Variants in CCDC93 observed in about 807,000 individuals in gnomAD.
CCDC93 encodes the protein coiled-coil domain-containing protein 93.
In CCDC93, 61 loss-of-function variants were observed where a neutral mutation model predicts 108.2. That is an observed-to-expected ratio of 0.56 (90% CI 0.46 to 0.70). CCDC93 has a LOEUF of 0.70. Ranked by LOEUF, CCDC93 falls within the 30% of genes least tolerant of loss-of-function variation. CCDC93 has a pLI of 0.00. For missense variants in CCDC93, 685 were observed against 764.2 expected (o/e 0.90, Z 1.22); for synonymous variants, 276 against 260.4 (o/e 1.06, Z -0.58).
chr2:117,970,269 GACAA>G (rs1281390465), intron 11 of CCDC93, among the ~76,000 whole-genome samples: 2 of 152,196 alleles, frequency 1.3e-5, no homozygotes, highest in Non-Finnish European at 2.9e-5. Context: ...GAAATTATCT[GACAA>G]ACAGTAGTAG....
intron 6 of CCDC93, among the ~76,000 whole-genome samples, chr2:117,990,150 GA>G (rs1680434036): frequency 6.6e-6 from 1 of 152,226 alleles, no homozygotes; most frequent in South Asian, 2.1e-4. Flanking sequence ...CACTTCACAG[GA>G]CAGACACTTC....
chr2:117,986,363 A>C (rs192756384), intron 6 of CCDC93, among the ~76,000 whole-genome samples: 48 of 152,188 alleles, frequency 3.2e-4, no homozygotes, highest in African/African-American at 1.0e-3. Flanking sequence ...TTCAGCCCCA[A>C]TGAAGTGGTC....
chr2:117,972,287 T>A (rs1573501380), intron 11 of CCDC93, among the ~76,000 whole-genome samples: 1 of 152,148 alleles, frequency 6.6e-6, no homozygotes, highest in Admixed American at 6.5e-5. Flanking sequence ...TCTAGAAGAA[T>A]GGAATGGAGG....
intron 22 of CCDC93, chr2:117,934,404 G>C (rs961031104): frequency 6.6e-6 from 1 of 152,176 alleles, no homozygotes; most frequent in Non-Finnish European, 1.5e-5. Flanking sequence ...GCCTATCCTG[G>C]CTTGGGTGAG....
chr2:117,957,309 G>T (rs1436954177), intron 12 of CCDC93, among the ~76,000 whole-genome samples: 1 of 152,112 alleles, frequency 6.6e-6, no homozygotes, highest in Non-Finnish European at 1.5e-5. Flanking sequence ...AAACTTCCCA[G>T]CTTCCTCTTA....
intron 1 of CCDC93, among the ~76,000 whole-genome samples, chr2:118,011,166 T>G (rs976473736): frequency 6.6e-6 from 1 of 151,100 alleles, no homozygotes; most frequent in Non-Finnish European, 1.5e-5. Context: ...AAACCAGTCA[T>G]GTATTAATAA....
Position 117,918,199 on chromosome 2 carries a change from C to T in CCDC93, c.*2144G>A, listed in dbSNP as rs1677749116. ...CCTAATTACTCAGAAAGGCACTGTC[C>T]ACACTGAGAGTTGTCTGCAGCAAGT... On this transcript the variant is annotated 3_prime_UTR_variant, in exon 24 of 24. Coordinates refer to ENST00000376300, the MANE Select transcript of CCDC93 (RefSeq NM_019044.5). 1 of 152,124 alleles carries T rather than the reference C, an allele frequency of 6.6e-6. No homozygotes were observed. The allele number at this position is 152,124 out of a possible 1,614,324, so 9.4% of individuals were successfully genotyped here.
intron 8 of CCDC93, 102 bp downstream of exon 8, chr2:117,977,892 T>C: frequency 9.1e-7 from 1 of 1,094,294 alleles, no homozygotes; most frequent in South Asian, 1.3e-5. Flanking sequence ...CATCCCTGGG[T>C]TTCCCAAGAA....
intron 11 of CCDC93, among the ~76,000 whole-genome samples, chr2:117,963,071 C>T (rs996327704): frequency 1.3e-5 from 2 of 152,186 alleles, no homozygotes; most frequent in East Asian, 1.9e-4. Context: ...AGCAGATCTT[C>T]CCTGAAAGAA....
chr2:117,990,311 A>G (rs572538848), intron 6 of CCDC93, among the ~76,000 whole-genome samples: 31 of 152,350 alleles, frequency 2.0e-4, no homozygotes, highest in African/African-American at 7.5e-4. Context: ...CCTGTTGGGC[A>G]GGCCTTCTAC....
At chr2:118,010,103 G>A (rs899781904) in intron 1 of CCDC93, among the ~76,000 whole-genome samples, 6 of 88,564 alleles carry the variant, frequency 6.8e-5, no homozygotes, top group East Asian at 7.5e-4. Flanking sequence ...CACCACGCCC[G>A]TTTTTTTGTT....
At chr2:117,987,581 A>G (rs1680357730) in intron 6 of CCDC93, among the ~76,000 whole-genome samples, 1 of 152,218 alleles carries the variant, frequency 6.6e-6, no homozygotes, top group Non-Finnish European at 1.5e-5. Context: ...TGACCTTGAG[A>G]AAGGCAGTTC....
chr2:117,980,438 C>T (rs971412474), intron 7 of CCDC93, among the ~76,000 whole-genome samples: 2 of 152,170 alleles, frequency 1.3e-5, no homozygotes, highest in African/African-American at 4.8e-5. Context: ...AGGGACTTCA[C>T]GGATTTTCCA....
At chr2:118,005,632 C>A (rs765702382) in intron 3 of CCDC93, among the ~76,000 whole-genome samples, 97 of 151,916 alleles carry the variant, frequency 6.4e-4, no homozygotes, top group Non-Finnish European at 1.2e-3. Context: ...TGGTGTATGC[C>A]TGTGGCTCTA....
rs192108723 is a variant in CCDC93 at position 117,978,946 on chromosome 2, T to C, written c.621-916A>G. On this transcript the variant is annotated intron_variant, in intron 7 of 23. Coordinates refer to ENST00000376300, the MANE Select transcript of CCDC93 (RefSeq NM_019044.5). ...TCACTTGAACCCAGGAGGCAGAGGTTGCAGTGAGCCGAGATCATAGCACTG... is the reference window on the plus strand; with the variant it reads ...TCACTTGAACCCAGGAGGCAGAGGTCGCAGTGAGCCGAGATCATAGCACTG... Among the ~76,000 whole-genome samples the C allele has an allele frequency of 5.7e-3, 869 of 152,302 alleles. 9 individuals are homozygous for C. The highest frequency in any genetic ancestry group is 0.02 in the African/African-American group (829 of 41,562).
chr2:118,005,516 G>A (rs1165288763), intron 3 of CCDC93, among the ~76,000 whole-genome samples: 1 of 152,144 alleles, frequency 6.6e-6, no homozygotes, highest in Non-Finnish European at 1.5e-5. Context: ...CTAATCCCAG[G>A]AGGCCAAGGC....
chr2:117,991,557 A>T (rs1680475316), intron 6 of CCDC93, among the ~76,000 whole-genome samples: 1 of 152,176 alleles, frequency 6.6e-6, no homozygotes. Context: ...CAACCTTTCT[A>T]AGCTTCAATT....
intron 19 of CCDC93, among the ~76,000 whole-genome samples, chr2:117,940,501 G>C (rs939373104): frequency 1.3e-5 from 2 of 152,230 alleles, no homozygotes; most frequent in African/African-American, 4.8e-5. Flanking sequence ...CTCAGACTGG[G>C]GAGGAACCCA....
intron 19 of CCDC93, among the ~76,000 whole-genome samples, chr2:117,940,133 G>A (rs534520795): frequency 2.0e-5 from 3 of 152,278 alleles, no homozygotes; most frequent in South Asian, 2.1e-4. Context: ...CAGAATTGGC[G>A]AGCAGCTTGA....
Sources: allele counts gnomAD v4.1 joint callset (sites outside exome capture counted in the v4.1 genomes callset), GRCh38; gene constraint gnomAD v4.1.1; transcripts MANE v1.5; gene names NCBI Gene and HGNC (gene_info 2026-07-23, HGNC 2026-07-21).